NRG1: variants seen among roughly 807,000 people sequenced by gnomAD.
NRG1 encodes pro-neuregulin-1, membrane-bound isoform.
A neutral mutation model predicts 63.8 loss-of-function variants in NRG1; 18 were observed. The ratio of observed to expected loss-of-function variants is 0.28; its 90% confidence interval spans 0.19 to 0.42. The LOEUF (loss-of-function observed/expected upper bound fraction) is 0.42, where lower values mean the gene tolerates loss of function less well. NRG1 is among the 10% of genes least tolerant of loss of function. NRG1 has a pLI of 1.00. For missense variants in NRG1, 762 were observed against 814.7 expected (o/e 0.94, Z 0.79); for synonymous variants, 302 against 301.3 (o/e 1.00, Z -0.02).
At chr8:32,524,672 A>G (rs1050843893) in intron 1 of NRG1, among the ~76,000 whole-genome samples, 1 of 152,110 alleles carries the variant, frequency 6.6e-6, no homozygotes, top group Admixed American at 6.5e-5. Context: ...GCCTCTGTCT[A>G]TCATGGAAAC....
rs1485729738 is a variant in NRG1 at position 32,756,872 on chromosome 8, A to G, written c.921+343A>G. On this transcript the variant is annotated intron_variant, in intron 9 of 11. Transcript: ENST00000356819. ...ATCAAAAAGAATGTTTTCATATATA[A>G]CTTGGAAATACAGGCTACTCCATTC... Among the ~76,000 whole-genome samples, 4 of 152,170 alleles carry G rather than the reference A, an allele frequency of 2.6e-5. No individual in the cohort carries two copies. In the East Asian group the frequency reaches 7.7e-4, roughly 29 times the overall value.
At chr8:31,926,234 C>T (rs187673563) in intron 1 of NRG1, among the ~76,000 whole-genome samples, 217 of 152,178 alleles carry the variant, frequency 1.4e-3, no homozygotes, top group Middle Eastern at 0.01. Flanking sequence ...AAATGAAAGA[C>T]GGGGCCTTTT....
At chr8:31,806,378 T>G (rs1822288281) in intron 1 of NRG1, among the ~76,000 whole-genome samples, 1 of 152,178 alleles carries the variant, frequency 6.6e-6, no homozygotes, top group Non-Finnish European at 1.5e-5. Flanking sequence ...TGAGCTAATA[T>G]TCTTACCTCT....
intron 1 of NRG1, among the ~76,000 whole-genome samples, chr8:31,843,913 C>T (rs1004678087): frequency 1.3e-5 from 2 of 152,164 alleles, no homozygotes; most frequent in Non-Finnish European, 2.9e-5. Context: ...GATGATCCAA[C>T]ACTAGGGCTT....
chr8:32,107,110 C>T (rs1219003447), intron 1 of NRG1, among the ~76,000 whole-genome samples: 2 of 152,050 alleles, frequency 1.3e-5, no homozygotes, highest in Non-Finnish European at 2.9e-5. Context: ...GTGGTGCGTG[C>T]CTGTAATCCC....
intron 1 of NRG1, among the ~76,000 whole-genome samples, chr8:32,583,802 A>G (rs1203062796): frequency 2.0e-5 from 3 of 152,196 alleles, no homozygotes; most frequent in African/African-American, 7.2e-5. Flanking sequence ...CAGCACGAAA[A>G]AAGCTGTACA....
At chr8:32,315,086 A>C (rs1000895981) in intron 1 of NRG1, among the ~76,000 whole-genome samples, 1 of 151,978 alleles carries the variant, frequency 6.6e-6, no homozygotes, top group East Asian at 1.9e-4. Context: ...TTCTTTTTTA[A>C]ATTTTATTTT....
intron 1 of NRG1, among the ~76,000 whole-genome samples, chr8:32,438,409 G>C (rs1315320832): frequency 6.6e-6 from 1 of 152,080 alleles, no homozygotes; most frequent in African/African-American, 2.4e-5. Context: ...TTTCATGCTA[G>C]GGATGTTGAG....
intron 1 of NRG1, among the ~76,000 whole-genome samples, chr8:32,481,675 A>G (rs2347491): frequency 0.64 from 97,557 of 152,102 alleles, 31,555 homozygotes; most frequent in East Asian, 0.79. Context: ...ATTCACCTCT[A>G]ATATAGAGCT....
At chr8:32,563,753 A>G (rs73234146) in intron 1 of NRG1, among the ~76,000 whole-genome samples, 30,349 of 152,014 alleles carry the variant, frequency 0.2, 3,855 homozygotes, top group Admixed American at 0.33. Context: ...TGATACTTCC[A>G]TTTTGGATAT....
chr8:31,872,016 T>A (rs879804475), intron 1 of NRG1, among the ~76,000 whole-genome samples: 12 of 152,184 alleles, frequency 7.9e-5, no homozygotes, highest in Admixed American at 3.3e-4. Context: ...GCCATTAGGA[T>A]GCCTTGATAG....
rs548704284 is a variant in NRG1, at chr8:32,496,220, G to C, written c.38-99608G>C. Among the ~76,000 whole-genome samples, 5 of 152,138 alleles carry C rather than the reference G, an allele frequency of 3.3e-5. No individual in the cohort carries two copies. In the East Asian group the frequency reaches 9.7e-4, roughly 29 times the overall value. ...TTAAGCAGTAGTTAACAGAATATTA[G>C]ATGTTAGTAAAGTTATTTCTTTGTT... On this transcript the variant is annotated intron_variant, in intron 1 of 10. Transcript: ENST00000519301.
At chr8:32,727,967 C>T (rs371167537) in exon 6 of NRG1, 8 of 1,613,938 alleles carry the variant, frequency 5.0e-6, no homozygotes, top group Middle Eastern at 1.6e-4. Context: ...ACATCCACCA[C>T]TGGGACAAGC....
chr8:31,909,888 C>T (rs776396), intron 1 of NRG1, among the ~76,000 whole-genome samples: 32,094 of 152,078 alleles, frequency 0.21, 5,077 homozygotes, highest in African/African-American at 0.44. Context: ...CATCCCTTAA[C>T]GAACCTAATC....
chr8:32,729,282 G>A (rs915931995), intron 6 of NRG1, among the ~76,000 whole-genome samples: 5 of 151,954 alleles, frequency 3.3e-5, no homozygotes, highest in African/African-American at 1.2e-4. Flanking sequence ...AATTTGATGT[G>A]GGCATAAAAA....
chr8:31,687,574 G>C (rs1404435861), intron 1 of NRG1, among the ~76,000 whole-genome samples: 1 of 152,198 alleles, frequency 6.6e-6, no homozygotes, highest in Non-Finnish European at 1.5e-5. Context: ...TACCATGGTA[G>C]AGTAGTGGGT....
chr8:32,099,743 A>T (rs2131346702), intron 1 of NRG1: 1 of 152,368 alleles, frequency 6.6e-6, no homozygotes, highest in South Asian at 2.1e-4. Context: ...AGAAATGATG[A>T]CAAGGTTTGC....
intron 1 of NRG1, among the ~76,000 whole-genome samples, chr8:32,024,550 G>A (rs369298795): frequency 2.8e-4 from 43 of 152,260 alleles, no homozygotes; most frequent in African/African-American, 9.1e-4. Flanking sequence ...AGCCTTTGGA[G>A]CCAATGGAGA....
At chr8:31,963,131 T>C (rs951885507) in intron 1 of NRG1, among the ~76,000 whole-genome samples, 1 of 152,202 alleles carries the variant, frequency 6.6e-6, no homozygotes, top group Non-Finnish European at 1.5e-5. Flanking sequence ...CATCTGTCAA[T>C]GCCCTCAATA....
Sources: gnomAD v4.1 joint callset for allele counts (sites outside exome capture counted in the v4.1 genomes callset) on GRCh38, gnomAD v4.1.1 for gene constraint, MANE v1.5 for transcripts, NCBI Gene and HGNC (gene_info 2026-07-23, HGNC 2026-07-21) for gene names.